The following DPY19L1 variants were observed in gnomAD, a reference collection of about 807,000 sequenced individuals.
DPY19L1 encodes the protein protein C-mannosyl-transferase DPY19L1.
DPY19L1 carries 35 observed loss-of-function variants against 96.9 expected under a neutral mutation model. The observed-to-expected ratio is 0.36, with a 90% CI of 0.28 to 0.48. DPY19L1 has a LOEUF of 0.48. Ranked by LOEUF, DPY19L1 falls within the 20% of genes least tolerant of loss-of-function variation. DPY19L1 has a pLI of 0.99. For missense variants in DPY19L1, 521 were observed against 777.9 expected, an observed-to-expected ratio of 0.67 and a Z score of 3.93; for synonymous variants, 205 against 252.6, an observed-to-expected ratio of 0.81 and a Z score of 1.79.
chr7:35,003,466 C>T (rs781875384), intron 6 of DPY19L1, among the ~76,000 whole-genome samples: 1 of 152,232 alleles, frequency 6.6e-6, no homozygotes, highest in Admixed American at 6.5e-5. Context: ...GCTCCACATA[C>T]TTTACTGCTG....
At chr7:34,966,357 G>C (rs1416179847) in intron 10 of DPY19L1, among the ~76,000 whole-genome samples, 1 of 152,022 alleles carries the variant, frequency 6.6e-6, no homozygotes, top group South Asian at 2.1e-4. Flanking sequence ...GAGTGCAGTG[G>C]TGTGATCTTA....
intron 1 of DPY19L1, among the ~76,000 whole-genome samples, chr7:35,033,014 C>A (rs1410483817): frequency 6.6e-6 from 1 of 152,150 alleles, no homozygotes; most frequent in African/African-American, 2.4e-5. Context: ...TTCCCAAGAG[C>A]AGATTTCTCA....
intron 9 of DPY19L1, among the ~76,000 whole-genome samples, chr7:34,968,823 A>G (rs1014362928): frequency 4.7e-5 from 7 of 150,530 alleles, no homozygotes; most frequent in South Asian, 2.1e-4. Flanking sequence ...TTATACAAAT[A>G]TATCAGTACA....
chr7:35,034,926 T>C (rs1786351599), intron 1 of DPY19L1, among the ~76,000 whole-genome samples: 2 of 152,188 alleles, frequency 1.3e-5, no homozygotes, highest in South Asian at 4.1e-4. Context: ...TCTCACTCAT[T>C]CTGGGAGGGG....
intron 9 of DPY19L1, among the ~76,000 whole-genome samples, chr7:34,969,100 A>C (rs1345642099): frequency 5.3e-5 from 8 of 152,196 alleles, no homozygotes; most frequent in Non-Finnish European, 7.3e-5. Context: ...CTTAAGAGAA[A>C]TACTTGAAGT....
At chr7:34,941,034 T>G (rs1286306955) in intron 18 of DPY19L1, among the ~76,000 whole-genome samples, 1 of 152,146 alleles carries the variant, frequency 6.6e-6, no homozygotes, top group Non-Finnish European at 1.5e-5. Flanking sequence ...CACTTTGTTC[T>G]CTTGATCTTT....
intron 4 of DPY19L1, among the ~76,000 whole-genome samples, chr7:35,012,411 T>C (rs929766732): frequency 6.6e-6 from 1 of 152,134 alleles, no homozygotes; most frequent in African/African-American, 2.4e-5. Flanking sequence ...AAGTCCACTT[T>C]CCAGGACCTC....
intron 7 of DPY19L1, among the ~76,000 whole-genome samples, chr7:34,979,221 C>T (rs960626799): frequency 2.0e-5 from 3 of 152,056 alleles, no homozygotes. Context: ...TTGACCATTG[C>T]TTATTCATCT....
chr7:35,005,636 T>TAA lies in DPY19L1; in HGVS notation c.764+4830_764+4831dup, dbSNP rs755623073. ...CAAAATGGTAAAACCCTGTCTCTACTAAAAAAAAAAAAAAAAAAAAAAAAA... is the reference window on the plus strand; with the variant it reads ...CAAAATGGTAAAACCCTGTCTCTACTAAAAAAAAAAAAAAAAAAAAAAAAAAA... On this transcript the variant is annotated intron_variant, in intron 6 of 21. Coordinates refer to ENST00000638088, the MANE Select transcript of DPY19L1 (RefSeq NM_001366673.1). 1.5e-3 allele frequency among the ~76,000 whole-genome samples: 127 copies of TAA among 84,466 alleles called. 2 individuals carry two copies. Among genetic ancestry groups the TAA allele is most frequent in the African/African-American group, 5.4e-3 (108 of 20,152 alleles). The allele number at this position is 84,466 out of a possible 152,430, so 55.4% of individuals were successfully genotyped here.
At chr7:34,989,824 A>G in intron 7 of DPY19L1, 60 bp downstream of exon 7, 1 of 1,386,586 alleles carries the variant, frequency 7.2e-7, no homozygotes, top group Non-Finnish European at 9.8e-7. Flanking sequence ...TATAGATTAA[A>G]TTTAAAGAAG....
chr7:34,997,482 C>T lies in DPY19L1; in HGVS notation c.765-7541G>A, dbSNP rs1027119500. Among the ~76,000 whole-genome samples the T allele has an allele frequency of 3.7e-4, 55 of 147,894 alleles. No homozygotes were observed. The East Asian group carries it at 9.1e-3, about 24-fold the overall frequency. ...AAAATTAGCTGGGCGTGGTGCCAGG[C>T]GCCTGTAGTCCCAGCTACTCGGGAG... On this transcript the variant is annotated intron_variant, in intron 6 of 21. Transcript: ENST00000638088.
chr7:34,931,359 G>A lies in DPY19L1; in HGVS notation c.*214C>T. 3.6e-6 allele frequency: 2 copies of A among 550,348 alleles called. No homozygotes were observed. The highest frequency in any genetic ancestry group is 5.6e-6 in the Non-Finnish European group (2 of 355,444). 34.1% of individuals were successfully genotyped at this position (550,348 alleles called of 1,614,324 possible). Reference sequence around the variant, plus strand: ...GTACAAGCATATACTCATTTGCATAGCAAATTTTAAAGGGTGCATTGAAAT... The same window carrying A: ...GTACAAGCATATACTCATTTGCATAACAAATTTTAAAGGGTGCATTGAAAT... On this transcript the variant is annotated 3_prime_UTR_variant, in exon 22 of 22. Coordinates refer to ENST00000638088, the MANE Select transcript of DPY19L1 (RefSeq NM_001366673.1).
chr7:35,024,009 G>T (rs1329568173), intron 1 of DPY19L1, among the ~76,000 whole-genome samples: 1 of 151,320 alleles, frequency 6.6e-6, no homozygotes, highest in Non-Finnish European at 1.5e-5. Flanking sequence ...CTAATTTTTT[G>T]TATTTTTTAG....
chr7:34,930,809 CAAGAAT>C lies in DPY19L1; in HGVS notation c.*758_*763del, dbSNP rs2128778768. The stretch of plus-strand genomic sequence containing the variant: ...AGTTACCATTAATTTTTTTTAAAAC[CAAGAAT>C]AAGTACTTGATAAGCAACTAAATGA... On this transcript the variant is annotated 3_prime_UTR_variant, in exon 22 of 22. Coordinates refer to ENST00000638088, the MANE Select transcript of DPY19L1 (RefSeq NM_001366673.1). 1 of 150,862 alleles carries C rather than the reference CAAGAAT, an allele frequency of 6.6e-6. No individual in the cohort carries two copies. Among genetic ancestry groups the C allele is most frequent in the African/African-American group, 2.4e-5 (1 of 41,072 alleles). The allele number at this position is 150,862 out of a possible 1,614,324, so 9.3% of individuals were successfully genotyped here.
intron 2 of DPY19L1, 150 bp from the exon 3 acceptor site, chr7:35,018,119 C>T: frequency 1.9e-6 from 1 of 518,486 alleles, no homozygotes; most frequent in East Asian, 3.2e-5. Flanking sequence ...ATTTTTTTCA[C>T]TCAGTATGTA....
intron 6 of DPY19L1, among the ~76,000 whole-genome samples, chr7:35,002,081 C>T (rs1439416598): frequency 2.7e-5 from 4 of 145,958 alleles, no homozygotes; most frequent in Non-Finnish European, 6.0e-5. Flanking sequence ...GAGTCAAGAT[C>T]GTGCCATTGC....
rs753688668 is a variant in DPY19L1 at position 34,939,317 on chromosome 7, C to T, written c.1923G>A (p.Arg641=). 9 of 1,613,702 alleles carry T rather than the reference C, an allele frequency of 5.6e-6. No homozygotes were observed. In the African/African-American group the frequency reaches 6.7e-5, roughly 12 times the overall value. Residue 641 remains arginine (R), a synonymous_variant, in exon 20 of 22, where the codon CGG becomes CGA. Coordinates refer to ENST00000638088, the MANE Select transcript of DPY19L1 (RefSeq NM_001366673.1). ...TMASVKLSAL[R]PIVNHPHYED... is the part of the protein sequence containing the mutation. ...CATAATGTGGATGATTCACAATGGG[C>T]CGAAGTGCAGAGAGCTTAACACTTG...
intron 10 of DPY19L1, among the ~76,000 whole-genome samples, chr7:34,959,645 A>C (rs193018825): frequency 1.3e-5 from 2 of 151,536 alleles, no homozygotes; most frequent in Admixed American, 1.3e-4. Flanking sequence ...GTCCTCACTC[A>C]TAACTGTCAG....
rs1346360059 is a variant in DPY19L1 at position 34,945,696 on chromosome 7, A to C, written c.1515T>G (p.Gly505=). The change falls in exon 16 of 22, where the codon GGT becomes GGG. Residue 505 remains glycine (G), a synonymous_variant. Coordinates refer to ENST00000638088, the MANE Select transcript of DPY19L1 (RefSeq NM_001366673.1). ...CATGTGTCTGTTGTTTAGCTAAGAC[A>C]CCCCACATATCACTAATAATCTGTA... ...IVRKIISDMW[G]VLAKQQTHVR... 2 of 1,602,252 alleles carry C rather than the reference A, an allele frequency of 1.2e-6. No homozygotes were observed. The highest frequency in any genetic ancestry group is 4.5e-4 in the Middle Eastern group (2 of 4,444).
Sources: gnomAD v4.1 joint callset for allele counts (sites outside exome capture counted in the v4.1 genomes callset) on GRCh38, gnomAD v4.1.1 for gene constraint, MANE v1.5 for transcripts, NCBI Gene and HGNC (gene_info 2026-07-23, HGNC 2026-07-21) for gene names.